Variants in MOB3B observed in about 807,000 individuals in gnomAD.
MOB3B encodes MOB kinase activator-like 2B.
MOB3B carries 7 observed loss-of-function variants against 18.7 expected under a neutral mutation model. That is an observed-to-expected ratio of 0.37 (90% confidence interval 0.21 to 0.70). The LOEUF is 0.70. Among genes scored for constraint, MOB3B ranks in the 30% least tolerant of loss-of-function variants. The pLI, the probability that MOB3B is intolerant of heterozygous loss-of-function variation, is 0.52. For missense variants in MOB3B, 253 were observed against 281.3 expected, an observed-to-expected ratio of 0.90 and a Z score of 0.72; for synonymous variants, 111 against 99.9, an observed-to-expected ratio of 1.11 and a Z score of -0.66.
intron 1 of MOB3B, among the ~76,000 whole-genome samples, chr9:27,514,032 A>G (rs568507211): frequency 5.9e-5 from 9 of 152,286 alleles, no homozygotes; most frequent in African/African-American, 2.2e-4. Flanking sequence ...ACATTTAGCA[A>G]TGAGTGATTC....
intron 2 of MOB3B, among the ~76,000 whole-genome samples, chr9:27,391,243 C>T (rs529718796): frequency 3.3e-5 from 5 of 152,274 alleles, no homozygotes; most frequent in East Asian, 1.9e-4. Flanking sequence ...TATTCAGAGG[C>T]GACTGCCTAC....
chr9:27,409,376 G>A (rs1033603595), intron 2 of MOB3B, among the ~76,000 whole-genome samples: 25 of 152,154 alleles, frequency 1.6e-4, no homozygotes, highest in Non-Finnish European at 3.5e-4. Context: ...TCATAACCAT[G>A]ATGAGATACC....
chr9:27,457,153 C>T (rs1270402075), intron 1 of MOB3B, among the ~76,000 whole-genome samples: 1 of 152,306 alleles, frequency 6.6e-6, no homozygotes. Flanking sequence ...GCCATATATT[C>T]CCAAAAGTAA....
rs557760054 is a variant in MOB3B at position 27,456,142 on chromosome 9, A to T, written c.-198-394T>A. Among the ~76,000 whole-genome samples, 59 of 152,290 alleles carry T rather than the reference A, an allele frequency of 3.9e-4. 1 individual carries two copies. The South Asian group carries it at 0.012, about 31-fold the overall frequency. On this transcript the variant is annotated intron_variant, in intron 1 of 3. Transcript: ENST00000262244. ...AAGTAGGCATGGGGACACTTCCCCC[A>T]TCCTTCTAGATACAGATGATGGAAA...
chr9:27,390,408 A>C (rs751921529), intron 2 of MOB3B, among the ~76,000 whole-genome samples: 2 of 152,092 alleles, frequency 1.3e-5, no homozygotes, highest in Non-Finnish European at 2.9e-5. Flanking sequence ...TGCCATGTTG[A>C]CCAGGTTGGT....
At chr9:27,481,497 GTTTTT>G (rs749380961) in intron 1 of MOB3B, among the ~76,000 whole-genome samples, 1 of 89,008 alleles carries the variant, frequency 1.1e-5, no homozygotes, top group Non-Finnish European at 2.2e-5. Context: ...AAGGAAGGTA[GTTTTT>G]TTTTTTTTGT....
intron 1 of MOB3B, among the ~76,000 whole-genome samples, chr9:27,466,793 C>T (rs1003840552): frequency 6.6e-6 from 1 of 152,072 alleles, no homozygotes; most frequent in African/African-American, 2.4e-5. Context: ...AAAGACCGGC[C>T]CTTATGATTC....
chr9:27,336,410 A>G (rs1820863901), intron 3 of MOB3B, among the ~76,000 whole-genome samples: 1 of 152,178 alleles, frequency 6.6e-6, no homozygotes, highest in African/African-American at 2.4e-5. Context: ...ACTCTGAGAC[A>G]CCAGGAGAAA....
At chr9:27,469,917 C>T (rs1274060113) in intron 1 of MOB3B, among the ~76,000 whole-genome samples, 1 of 151,850 alleles carries the variant, frequency 6.6e-6, no homozygotes, top group Non-Finnish European at 1.5e-5. Context: ...AACACCTTCC[C>T]CCTCCCCCAG....
Position 27,351,125 on chromosome 9 carries a change from A to G in MOB3B, c.621+7909T>C, listed in dbSNP as rs566011821. 1.3e-4 allele frequency among the ~76,000 whole-genome samples: 20 copies of G among 151,846 alleles called. No individual in the cohort carries two copies. The East Asian group carries it at 2.9e-3, about 22-fold the overall frequency. ...ACCATTTTGGCCAGGCTGGTCTGGA[A>G]CTCCTGACCTCAGGTGATCCACCCG... On this transcript the variant is annotated intron_variant, in intron 3 of 3. Transcript: ENST00000262244.
At chr9:27,348,259 C>CAAAG (rs1821058017) in intron 3 of MOB3B, among the ~76,000 whole-genome samples, 2 of 151,468 alleles carry the variant, frequency 1.3e-5, no homozygotes, top group African/African-American at 4.9e-5. Context: ...ATGCAGAGGT[C>CAAAG]AAAGAAAAAC....
At chr9:27,373,435 C>CA (rs1821449305) in intron 2 of MOB3B, among the ~76,000 whole-genome samples, 1 of 152,186 alleles carries the variant, frequency 6.6e-6, no homozygotes, top group Non-Finnish European at 1.5e-5. Context: ...AGGGATTCAG[C>CA]AATAAGCGAA....
intron 3 of MOB3B, among the ~76,000 whole-genome samples, chr9:27,349,944 A>G (rs558981001): frequency 6.6e-6 from 1 of 152,198 alleles, no homozygotes; most frequent in Non-Finnish European, 1.5e-5. Context: ...GGGTTATAAA[A>G]AGTAGCTCTT....
intron 3 of MOB3B, among the ~76,000 whole-genome samples, chr9:27,337,962 AGG>A (rs1820887443): frequency 1.3e-5 from 2 of 152,174 alleles, no homozygotes; most frequent in Admixed American, 1.3e-4. Flanking sequence ...GTGGTCCTAG[AGG>A]TAACAGCCAC....
At chr9:27,473,367 TC>T (rs1040417698) in intron 1 of MOB3B, among the ~76,000 whole-genome samples, 16 of 152,178 alleles carry the variant, frequency 1.1e-4, no homozygotes, top group African/African-American at 3.9e-4. Flanking sequence ...GAGGAGTCAC[TC>T]CCTGTTTGGA....
At chr9:27,442,708 C>T (rs981940831) in intron 2 of MOB3B, among the ~76,000 whole-genome samples, 6 of 152,148 alleles carry the variant, frequency 3.9e-5, no homozygotes, top group African/African-American at 9.7e-5. Flanking sequence ...CAGTGGCTTC[C>T]GGCTCTTGTT....
At chr9:27,426,406 G>C (rs1009820712) in intron 2 of MOB3B, among the ~76,000 whole-genome samples, 3 of 152,172 alleles carry the variant, frequency 2.0e-5, no homozygotes, top group Non-Finnish European at 1.5e-5. Context: ...AGGTCTAGGG[G>C]ACATACACTG....
At chr9:27,481,747 G>A (rs1309868760) in intron 1 of MOB3B, among the ~76,000 whole-genome samples, 1 of 151,870 alleles carries the variant, frequency 6.6e-6, no homozygotes, top group Non-Finnish European at 1.5e-5. Context: ...GGATGGTCTC[G>A]ATCTCCTGAC....
chr9:27,451,497 C>G lies in MOB3B; in HGVS notation c.418+3636G>C, dbSNP rs116463935. 6.0e-3 allele frequency among the ~76,000 whole-genome samples: 914 copies of G among 152,320 alleles called. 7 individuals carry two copies. The highest frequency in any genetic ancestry group is 0.021 in the African/African-American group (890 of 41,572). ...ACCTAGTTAAGACTGAATCTAGGAA[C>G]AGATGAAAGCTTTCTTTCCTCAATG... On this transcript the variant is annotated intron_variant, in intron 2 of 3. Coordinates refer to ENST00000262244, the MANE Select transcript of MOB3B (RefSeq NM_024761.5).
Sources: gnomAD v4.1 joint callset for allele counts (sites outside exome capture counted in the v4.1 genomes callset) on GRCh38, gnomAD v4.1.1 for gene constraint, MANE v1.5 for transcripts, NCBI Gene and HGNC (gene_info 2026-07-23, HGNC 2026-07-21) for gene names.